Variants in SPRYD3 observed in about 807,000 individuals in gnomAD.
SPRYD3 encodes the protein SPRY domain containing 3.
A neutral mutation model predicts 50.1 loss-of-function variants in SPRYD3; 17 were observed. That is an observed-to-expected ratio of 0.34 (90% CI 0.23 to 0.51). The LOEUF is 0.51. Among genes scored for constraint, SPRYD3 ranks in the 20% least tolerant of loss-of-function variants. The probability of loss-of-function intolerance (pLI) is 0.97; values close to 1 mark genes in which losing one functional copy is unlikely to be tolerated. For missense variants in SPRYD3, 401 were observed against 591.2 expected (o/e 0.68, Z 3.34); for synonymous variants, 198 against 215.5 (o/e 0.92, Z 0.71).
intron 2 of SPRYD3, among the ~76,000 whole-genome samples, 174 bp from the exon 3 acceptor site, chr12:53,075,985 A>C (rs907868016): frequency 6.6e-6 from 1 of 151,676 alleles, no homozygotes; most frequent in Non-Finnish European, 1.5e-5. Context: ...ACCTCACCCT[A>C]CTCCTCTCGC....
rs766531903 is a variant in SPRYD3 at position 53,073,418 on chromosome 12, G to A, written c.561C>T (p.Gly187=). The part of the protein sequence containing the change: ...MSPDGLFPAV[G]MHSLGEEVRL... ...GCACCTCCTCACCCAGGGAGTGCAT[G>A]CCCACTGCTGGGAACAGTCCATCTG... The change falls in exon 6 of 11, where the codon GGC becomes GGT. Residue 187 remains glycine, a synonymous_variant. Transcript: ENST00000301463. 6.3e-6 allele frequency: 10 copies of A among 1,574,908 alleles called. No individual in the cohort carries two copies. In the Admixed American group the frequency reaches 1.9e-4, roughly 30 times the overall value.
intron 8 of SPRYD3, 125 bp downstream of exon 8, chr12:53,067,523 G>T: frequency 1.2e-6 from 1 of 849,812 alleles, no homozygotes; most frequent in Non-Finnish European, 2.0e-6. Context: ...TTGGGAAGGG[G>T]AGGTCAGCCA....
chr12:53,075,271 T>C, intron 3 of SPRYD3, 52 bp from the exon 4 acceptor site: 1 of 1,567,484 alleles, frequency 6.4e-7, no homozygotes, highest in Non-Finnish European at 8.7e-7. Context: ...ATGGGATGAA[T>C]TGCTGGGGGT....
At chr12:53,079,001 C>A (rs1261323418) in intron 1 of SPRYD3, among the ~76,000 whole-genome samples, 1 of 152,234 alleles carries the variant, frequency 6.6e-6, no homozygotes, top group African/African-American at 2.4e-5. Flanking sequence ...CAGGTAGATG[C>A]TGGTTGCGCA....
intron 10 of SPRYD3, 56 bp downstream of exon 10, chr12:53,066,258 C>T (rs1944505305): frequency 6.3e-7 from 1 of 1,583,958 alleles, no homozygotes; most frequent in African/African-American, 1.3e-5. Flanking sequence ...CCACTAATAC[C>T]CACCCTTTGC....
intron 2 of SPRYD3, among the ~76,000 whole-genome samples, chr12:53,076,104 C>T (rs564952584): frequency 6.6e-6 from 1 of 152,228 alleles, no homozygotes; most frequent in Non-Finnish European, 1.5e-5. Context: ...AGAGGTCTCA[C>T]AACCCTGTGT....
intron 7 of SPRYD3, 45 bp from the exon 8 acceptor site, chr12:53,067,750 C>T (rs945745166): frequency 1.3e-6 from 2 of 1,571,784 alleles, no homozygotes; most frequent in East Asian, 4.5e-5. Context: ...CATGCATAAA[C>T]AAGACAGGAG....
intron 1 of SPRYD3, among the ~76,000 whole-genome samples, chr12:53,078,895 G>A (rs1445519881): frequency 1.3e-5 from 2 of 152,180 alleles, no homozygotes; most frequent in Non-Finnish European, 2.9e-5. Flanking sequence ...CTCTTATGCA[G>A]TAGCTACAAC....
intron 6 of SPRYD3, 30 bp downstream of exon 6, chr12:53,073,256 G>GGCCCCGGGGGGGGGGGGGGGGGGC: frequency 2.4e-6 from 1 of 424,134 alleles, no homozygotes; most frequent in Non-Finnish European, 4.4e-6. Flanking sequence ...CTCCGACCCA[G>GGCCCCGGGGGGGGGGGGGGGGGGC]CCCCTCCCAC....
intron 1 of SPRYD3, 149 bp downstream of exon 1, chr12:53,079,162 G>T: frequency 1.2e-6 from 1 of 843,812 alleles, no homozygotes; most frequent in Non-Finnish European, 1.9e-6. Flanking sequence ...CCTGCACTGG[G>T]CCGAGGGTGC....
chr12:53,078,531 T>C (rs1243322184), intron 1 of SPRYD3, among the ~76,000 whole-genome samples: 1 of 149,874 alleles, frequency 6.7e-6, no homozygotes, highest in Non-Finnish European at 1.5e-5. Context: ...CTAAAGATCA[T>C]TCCAGCTGCT....
chr12:53,066,459 AC>A lies in SPRYD3; in HGVS notation c.1048del (p.Val350Ter). The A allele has an allele frequency of 6.2e-7, 1 of 1,614,032 alleles. No homozygotes were observed. The highest frequency in any genetic ancestry group is 1.1e-5 in the South Asian group (1 of 91,076). ...GGCCCGGGCAGTCGGAGACAGGATC[AC>A]TGTGTCACAACTGTCATCACTGTCC... is the stretch of plus-strand genomic sequence containing the variant. Reference protein sequence around the residue: ...EGDSDDSCDTVILSPTARAVR... With the variant: ...EGDSDDSCDTXILSPTARAVR... On this transcript the variant is annotated frameshift_variant, in exon 10 of 11. Transcript: ENST00000301463. LOFTEE classifies it high-confidence loss of function.
Position 53,065,862 on chromosome 12 carries a change from G to A in SPRYD3, c.1299C>T (p.Val433=). 1 of 1,613,782 alleles carries A rather than the reference G, an allele frequency of 6.2e-7. No homozygotes were observed. ...CACTCAAGGGGTGCAGATCTACTTTGACTTTCTCCCCGCAGCTCAGCATTC... is the reference window on the plus strand; with the variant it reads ...CACTCAAGGGGTGCAGATCTACTTTAACTTTCTCCCCGCAGCTCAGCATTC... ...TIGMLSCGEK[V]KVDLHPLSG is the part of the protein sequence containing the mutation. Residue 433 remains valine (V), a synonymous_variant, in exon 11 of 11, where the codon GTC becomes GTT. Coordinates refer to ENST00000301463, the MANE Select transcript of SPRYD3 (RefSeq NM_032840.3).
Position 53,064,813 on chromosome 12 carries a change from G to C in SPRYD3, c.*1019C>G, listed in dbSNP as rs1944487605. On this transcript the variant is annotated 3_prime_UTR_variant, in exon 11 of 11. Transcript: ENST00000301463. ...TGGAAAAGTCACTGTTACGGGGAGG[G>C]GGCCAGGGGTTGAAGGATTAGAAGG... 6.5e-6 allele frequency: 1 copy of C among 153,026 alleles called. No homozygotes were observed. The highest frequency in any genetic ancestry group is 1.5e-5 in the Non-Finnish European group (1 of 68,308). 9.5% of individuals were successfully genotyped at this position (153,026 alleles called of 1,614,324 possible).
Position 53,074,902 on chromosome 12 carries a change from C to T in SPRYD3, c.372-118G>A, listed in dbSNP as rs1944577647. On this transcript the variant is annotated intron_variant, in intron 4 of 10. Transcript: ENST00000301463. The surrounding 1 kb of genome is among the most constrained non-coding windows in gnomAD (Gnocchi z 4.6). ...CTCCTGGTCATTCTGTGATGGTACC[C>T]ACTTACGTCCTGGCGTGAGCATCAC... The T allele has an allele frequency of 1.4e-6, 2 of 1,403,092 alleles. No homozygotes were observed. The highest frequency in any genetic ancestry group is 1.8e-5 in the Admixed American group (1 of 56,002). The allele number at this position is 1,403,092 out of a possible 1,614,324, so 86.9% of individuals were successfully genotyped here.
rs1339230186 is a variant in SPRYD3, at chr12:53,075,076, T to C, written c.371+19A>G. On this transcript the variant is annotated intron_variant, in intron 4 of 10. Transcript: ENST00000301463. Reference sequence around the variant, plus strand: ...CAAATTCATAGGAAAAGGGCCGGGTTGCACAGGAGCCAACTCACTTGCCAT... The same window carrying C: ...CAAATTCATAGGAAAAGGGCCGGGTCGCACAGGAGCCAACTCACTTGCCAT... The C allele has an allele frequency of 1.9e-6, 3 of 1,607,828 alleles. No individual in the cohort carries two copies. The highest frequency in any genetic ancestry group is 2.6e-6 in the Non-Finnish European group (3 of 1,174,628).
At chr12:53,068,920 A>G (rs1405920775) in intron 6 of SPRYD3, among the ~76,000 whole-genome samples, 1 of 152,084 alleles carries the variant, frequency 6.6e-6, no homozygotes, top group East Asian at 1.9e-4. Context: ...GAGCCCAGGG[A>G]CCCAGAACGC....
chr12:53,065,537 G>A lies in SPRYD3; in HGVS notation c.*295C>T, dbSNP rs1944496775. On this transcript the variant is annotated 3_prime_UTR_variant, in exon 11 of 11. Transcript: ENST00000301463. ...CCCACACAGGGCCGGTGAGGGAAAG[G>A]GGGACCCAGAAGCCCACTGACCAAA... The A allele has an allele frequency of 1.1e-5, 4 of 361,340 alleles. No individual in the cohort carries two copies. The highest frequency in any genetic ancestry group is 2.0e-5 in the Non-Finnish European group (4 of 195,892). 22.4% of individuals were successfully genotyped at this position (361,340 alleles called of 1,614,324 possible). A position where few individuals can be genotyped will look rare whatever the true frequency, so the allele number is the denominator to read the frequency against.
Position 53,077,186 on chromosome 12 carries a change from C to T in SPRYD3, c.99G>A (p.Glu33=), listed in dbSNP as rs1944595288. Residue 33 remains glutamate, a synonymous_variant, in exon 2 of 11, where the codon GAG becomes GAA. Transcript: ENST00000301463. ...RFLNWRRRIR[E]IREVRAFRYQ... ...ATCGGAAAGCTCGGACCTCTCGAATCTCCCGGATCCGCCGGCGCCAATTCA... is the reference window on the plus strand; with the variant it reads ...ATCGGAAAGCTCGGACCTCTCGAATTTCCCGGATCCGCCGGCGCCAATTCA... 1 of 1,614,110 alleles carries T rather than the reference C, an allele frequency of 6.2e-7. No individual in the cohort carries two copies. Among genetic ancestry groups the T allele is most frequent in the South Asian group, 1.1e-5 (1 of 91,090 alleles).
Sources: allele counts gnomAD v4.1 joint callset (sites outside exome capture counted in the v4.1 genomes callset), GRCh38; gene constraint gnomAD v4.1.1; non-coding constraint Gnocchi (gnomAD v3.1); transcripts MANE v1.5; gene names NCBI Gene and HGNC (gene_info 2026-07-23, HGNC 2026-07-21).